PCDHGA10: variants seen among roughly 807,000 people sequenced by gnomAD.
The protein encoded by PCDHGA10 is protocadherin gamma subfamily A, 10.
A neutral mutation model predicts 59.5 loss-of-function variants in PCDHGA10; 42 were observed. That is an observed-to-expected ratio of 0.71 (90% confidence interval 0.55 to 0.91). The LOEUF (loss-of-function observed/expected upper bound fraction) is 0.91, where lower values mean the gene tolerates loss of function less well. Among genes scored for constraint, PCDHGA10 ranks in the 40% least tolerant of loss-of-function variants. The probability of loss-of-function intolerance (pLI) is 0.00; values close to 1 mark genes in which losing one functional copy is unlikely to be tolerated. For missense variants in PCDHGA10, 1,111 were observed against 1,198.2 expected (o/e 0.93, Z 1.07); for synonymous variants, 511 against 517.2 (o/e 0.99, Z 0.16).
rs965707754 is a variant in PCDHGA10 at position 141,505,329 on chromosome 5, G to A, written c.2496-64G>A. On this transcript the variant is annotated intron_variant, in intron 2 of 3. Coordinates refer to ENST00000398610, the MANE Select transcript of PCDHGA10 (RefSeq NM_018913.3). ...ACTAGGTTTGGGAGCCCTGGGAGAG[G>A]ACAGGAGGGGCATGAGCTGTGCCGG... is the stretch of plus-strand genomic sequence containing the variant. The A allele has an allele frequency of 2.5e-6, 4 of 1,610,060 alleles. No individual in the cohort carries two copies. The African/African-American group carries it at 5.3e-5, about 22-fold the overall frequency.
At chr5:141,488,159 C>T (rs888153570) in intron 1 of PCDHGA10, among the ~76,000 whole-genome samples, 1 of 152,126 alleles carries the variant, frequency 6.6e-6, no homozygotes, top group Non-Finnish European at 1.5e-5. Flanking sequence ...GAGAGGCACG[C>T]ATCAGAGTGG....
chr5:141,472,769 T>C (rs2154571402), intron 1 of PCDHGA10, among the ~76,000 whole-genome samples: 1 of 151,816 alleles, frequency 6.6e-6, no homozygotes, highest in South Asian at 2.1e-4. Context: ...GCAGATCACC[T>C]GAGGTTGGGA....
chr5:141,414,646 A>G lies in PCDHGA10; in HGVS notation c.1471A>G (p.Ile491Val). Residue 491 changes from isoleucine (I) to valine (V), a missense_variant, in exon 1 of 4, where the codon ATT (isoleucine) becomes GTT (valine). Coordinates refer to ENST00000398610, the MANE Select transcript of PCDHGA10 (RefSeq NM_018913.3). ...CCCGGACAGCAAAGAGAATGCCCAG[A>G]TTATTTACTCCCTGGCTGAAGACAC... Reference protein sequence around the residue: ...LDPDSKENAQIIYSLAEDTIQ... With the variant: ...LDPDSKENAQVIYSLAEDTIQ... The G allele has an allele frequency of 1.2e-6, 2 of 1,613,928 alleles. No homozygotes were observed. The highest frequency in any genetic ancestry group is 1.7e-6 in the Non-Finnish European group (2 of 1,179,866).
intron 2 of PCDHGA10, among the ~76,000 whole-genome samples, chr5:141,501,026 G>A (rs1053442173): frequency 7.9e-5 from 12 of 151,608 alleles, no homozygotes; most frequent in Non-Finnish European, 1.5e-4. Flanking sequence ...GCGCCACCAC[G>A]CCCAGCTAAT....
Position 141,431,994 on chromosome 5 carries a change from G to A in PCDHGA10, c.2436+16383G>A, listed in dbSNP as rs2097434865. ...TTAGTCACAGACATAGTCTTGGATA[G>A]GGAACAGGTTCCTAGCTACAACATC... On this transcript the variant is annotated intron_variant, in intron 1 of 3. Coordinates refer to ENST00000398610, the MANE Select transcript of PCDHGA10 (RefSeq NM_018913.3). The surrounding 1 kb of genome is among the most constrained non-coding windows in gnomAD (Gnocchi z 4.8). 6.2e-7 allele frequency: 1 copy of A among 1,614,188 alleles called. No homozygotes were observed. Among genetic ancestry groups the A allele is most frequent in the Non-Finnish European group, 8.5e-7 (1 of 1,180,038 alleles).
chr5:141,508,824 G>A (rs893436748), intron 3 of PCDHGA10, among the ~76,000 whole-genome samples: 9 of 151,952 alleles, frequency 5.9e-5, no homozygotes, highest in Admixed American at 3.3e-4. Flanking sequence ...CCAGATCTGG[G>A]CCCCCCTCCC....
intron 1 of PCDHGA10, chr5:141,426,664 A>G (rs886265350): frequency 2.3e-6 from 1 of 429,248 alleles, no homozygotes; most frequent in Admixed American, 2.5e-5. Flanking sequence ...GATATAAATG[A>G]TAACCCACCT....
Position 141,511,250 on chromosome 5 carries a change from CAG to C in PCDHGA10, c.*80_*81del. 2 of 1,571,674 alleles carry C rather than the reference CAG, an allele frequency of 1.3e-6. No homozygotes were observed. Among genetic ancestry groups the C allele is most frequent in the Non-Finnish European group, 1.7e-6 (2 of 1,158,794 alleles). On this transcript the variant is annotated 3_prime_UTR_variant, in exon 4 of 4. Transcript: ENST00000398610. ...CTTCTCCTTACCTGCACCCAGGCCT[CAG>C]AGTTTCAGGGCTAACCCCCAGAATA...
At position 141,489,207 on chromosome 5, in the gene PCDHGA10, A is replaced by T; in HGVS notation, c.2437-5600A>T. The T allele has an allele frequency of 6.9e-7, 1 of 1,452,692 alleles. No homozygotes were observed. The highest frequency in any genetic ancestry group is 9.3e-7 in the Non-Finnish European group (1 of 1,073,586). 90.0% of individuals were successfully genotyped at this position (1,452,692 alleles called of 1,614,324 possible). ...GGGTCTACCTTGGAGACAGGACAGC[A>T]CAGACTTACTCTCCACAAAGGGACT... On this transcript the variant is annotated intron_variant, in intron 1 of 3. Transcript: ENST00000398610. The surrounding 1 kb of genome is among the most constrained non-coding windows in gnomAD (Gnocchi z 4.5).
In PCDHGA10 at chr5:141,505,438, T is replaced by C. The variant is rs149352680; in HGVS notation, c.2541T>C (p.Phe847=). The C allele has an allele frequency of 6.8e-6, 11 of 1,614,046 alleles. No homozygotes were observed. The African/African-American group carries it at 1.5e-4, about 22-fold the overall frequency. The stretch of plus-strand genomic sequence containing the variant: ...CCGGCACCTGGCCCAACAACCAGTT[T>C]GACACAGAGATGCTGCAAGCCATGA... ...DDTGTWPNNQ[F]DTEMLQAMIL... Residue 847 remains phenylalanine, a synonymous_variant, in exon 3 of 4, where the codon TTT becomes TTC. Transcript: ENST00000398610.
At chr5:141,495,613 G>A (rs1230710705) in intron 2 of PCDHGA10, among the ~76,000 whole-genome samples, 2 of 152,068 alleles carry the variant, frequency 1.3e-5, no homozygotes, top group Non-Finnish European at 2.9e-5. Flanking sequence ...CTTGATTGCT[G>A]CACCTCAGCC....
intron 1 of PCDHGA10, 82 bp from the exon 2 acceptor site, chr5:141,494,725 C>G: frequency 6.2e-7 from 1 of 1,610,026 alleles, no homozygotes; most frequent in East Asian, 2.2e-5. Flanking sequence ...CCCTCCTTCT[C>G]TCCCGGCCCA....
chr5:141,500,574 G>A (rs2099801457), intron 2 of PCDHGA10, among the ~76,000 whole-genome samples: 1 of 152,164 alleles, frequency 6.6e-6, no homozygotes, highest in African/African-American at 2.4e-5. Context: ...ACACTTTCAT[G>A]TGACACTTTA....
At chr5:141,453,311 A>C (rs2098762053) in intron 1 of PCDHGA10, among the ~76,000 whole-genome samples, 1 of 151,602 alleles carries the variant, frequency 6.6e-6, no homozygotes, top group African/African-American at 2.4e-5. Flanking sequence ...TTATTTATTT[A>C]TTTTAGAGAT....
intron 1 of PCDHGA10, among the ~76,000 whole-genome samples, chr5:141,443,191 A>G (rs2098371862): frequency 6.6e-6 from 1 of 152,122 alleles, no homozygotes; most frequent in Non-Finnish European, 1.5e-5. Flanking sequence ...CATTCTCTAT[A>G]GTACAAAGAG....
At position 141,505,378 on chromosome 5, in the gene PCDHGA10, C is replaced by T. The variant is rs376550639; in HGVS notation, c.2496-15C>T. 2 of 1,614,034 alleles carry T rather than the reference C, an allele frequency of 1.2e-6. No homozygotes were observed. The highest frequency in any genetic ancestry group is 2.2e-5 in the East Asian group (1 of 44,872). On this transcript the variant is annotated splice_polypyrimidine_tract_variant and intron_variant, in intron 2 of 3. Transcript: ENST00000398610. ...GGCCTGGGAGTCTGTGCTCACCATC[C>T]TACTCTCTCCCCAGCTCCCAAAATG...
chr5:141,448,103 A>G (rs1252710550), intron 1 of PCDHGA10, among the ~76,000 whole-genome samples: 2 of 151,992 alleles, frequency 1.3e-5, no homozygotes, highest in Non-Finnish European at 2.9e-5. Context: ...AAAAAATTAA[A>G]AGAAAAGAAA....
chr5:141,503,046 G>T (rs1187153008), intron 2 of PCDHGA10, among the ~76,000 whole-genome samples: 1 of 151,658 alleles, frequency 6.6e-6, no homozygotes, highest in Non-Finnish European at 1.5e-5. Flanking sequence ...GTTGAGACAG[G>T]GTTTCACCAT....
At position 141,491,265 on chromosome 5, in the gene PCDHGA10, C is replaced by G. The variant is rs868682993; in HGVS notation, c.2437-3542C>G. ...AGGATGAGGACCCTGAGGAAATGCCCAAATCCAGTGACTTCCTCATACACC... is the reference window on the plus strand; with the variant it reads ...AGGATGAGGACCCTGAGGAAATGCCGAAATCCAGTGACTTCCTCATACACC... On this transcript the variant is annotated intron_variant, in intron 1 of 3. Transcript: ENST00000398610. The surrounding 1 kb of genome is among the most constrained non-coding windows in gnomAD (Gnocchi z 6.9). The G allele has an allele frequency of 6.2e-7, 1 of 1,614,074 alleles. No individual in the cohort carries two copies. The highest frequency in any genetic ancestry group is 8.5e-7 in the Non-Finnish European group (1 of 1,179,916).
Sources: allele counts gnomAD v4.1 joint callset (sites outside exome capture counted in the v4.1 genomes callset), GRCh38; gene constraint gnomAD v4.1.1; non-coding constraint Gnocchi (gnomAD v3.1); transcripts MANE v1.5; gene names NCBI Gene and HGNC (gene_info 2026-07-23, HGNC 2026-07-21).